The following C14orf39 variants were observed in gnomAD, a reference collection of about 807,000 sequenced individuals.
C14orf39 encodes the protein protein SIX6OS1.
A neutral mutation model predicts 85.6 loss-of-function variants in C14orf39; 66 were observed. That is an observed-to-expected ratio of 0.77 (90% CI 0.63 to 0.95). The LOEUF (loss-of-function observed/expected upper bound fraction) is 0.95, where lower values mean the gene tolerates loss of function less well. Ranked by LOEUF, C14orf39 falls within the 40% of genes least tolerant of loss-of-function variation. The probability of loss-of-function intolerance (pLI) is 0.00; values close to 1 mark genes in which losing one functional copy is unlikely to be tolerated. For missense variants in C14orf39, 735 were observed against 663.9 expected (o/e 1.11, Z -1.18); for synonymous variants, 242 against 214.0 (o/e 1.13, Z -1.14).
chr14:60,450,078 T>C (rs1890963079), intron 16 of C14orf39, among the ~76,000 whole-genome samples: 1 of 152,170 alleles, frequency 6.6e-6, no homozygotes, highest in Non-Finnish European at 1.5e-5. Flanking sequence ...CTGGCTTCAG[T>C]TGTGACCCAG....
intron 2 of C14orf39, among the ~76,000 whole-genome samples, chr14:60,498,284 T>C (rs1437079088): frequency 1.3e-5 from 2 of 152,254 alleles, no homozygotes; most frequent in East Asian, 1.9e-4. Context: ...CCCTTACTAA[T>C]GTTGAATGAG....
chr14:60,488,048 T>C (rs1208338736), upstream of C14orf39, among the ~76,000 whole-genome samples: 1 of 152,234 alleles, frequency 6.6e-6, no homozygotes, highest in Non-Finnish European at 1.5e-5. Context: ...TATTAACTAC[T>C]TCTTTTTAGG....
chr14:60,441,676 A>G (rs941002374), intron 17 of C14orf39, among the ~76,000 whole-genome samples: 2 of 152,194 alleles, frequency 1.3e-5, no homozygotes, highest in Non-Finnish European at 2.9e-5. Context: ...ATTTATATTA[A>G]TATGTTGAAT....
intron 16 of C14orf39, among the ~76,000 whole-genome samples, chr14:60,453,819 TATA>T (rs1159259083): frequency 1.3e-5 from 2 of 151,918 alleles, no homozygotes; most frequent in African/African-American, 4.8e-5. Context: ...TTGCCAGGAT[TATA>T]ATTAGATTTG....
In C14orf39 at chr14:60,451,904, T is replaced by A. The variant is rs1891052989; in HGVS notation, c.1503+3097A>T. On this transcript the variant is annotated intron_variant, in intron 16 of 17. Coordinates refer to ENST00000321731, the MANE Select transcript of C14orf39 (RefSeq NM_174978.3). ...TGGGTTAAAAGATAGAATCTCAGGC[T>A]GGGCATGGTGGCTCACGCCTGTAAT... Among the ~76,000 whole-genome samples, 3 of 151,956 alleles carry A rather than the reference T, an allele frequency of 2.0e-5. No individual in the cohort carries two copies. In the South Asian group the frequency reaches 6.2e-4, roughly 32 times the overall value.
intron 16 of C14orf39, among the ~76,000 whole-genome samples, chr14:60,446,023 A>C (rs978189263): frequency 3.3e-5 from 5 of 152,230 alleles, no homozygotes; most frequent in African/African-American, 1.2e-4. Flanking sequence ...ATGAGAACAA[A>C]GACAAAACGT....
At chr14:60,476,686 T>C (rs1356825149) in intron 5 of C14orf39, among the ~76,000 whole-genome samples, 1 of 152,194 alleles carries the variant, frequency 6.6e-6, no homozygotes, top group Non-Finnish European at 1.5e-5. Context: ...TTTTTAAGAA[T>C]TAATGTTTTA....
chr14:60,464,760 T>C (rs1238510686), intron 11 of C14orf39, among the ~76,000 whole-genome samples: 1 of 152,076 alleles, frequency 6.6e-6, no homozygotes, highest in Non-Finnish European at 1.5e-5. Flanking sequence ...TAATAGCATA[T>C]ACCTGTATTT....
chr14:60,442,208 A>G, intron 16 of C14orf39, 77 bp from the exon 17 acceptor site: 1 of 900,480 alleles, frequency 1.1e-6, no homozygotes, highest in Middle Eastern at 3.2e-4. Context: ...TTGAATCTAA[A>G]GCTTAGTTCT....
chr14:60,506,070 A>G (rs934870439), intron 1 of C14orf39, among the ~76,000 whole-genome samples: 2 of 152,064 alleles, frequency 1.3e-5, no homozygotes, highest in African/African-American at 4.8e-5. Context: ...TTTTCTCCAT[A>G]TTTGCCCCAC....
intron 8 of C14orf39, among the ~76,000 whole-genome samples, chr14:60,469,124 A>G (rs1891941972): frequency 6.6e-6 from 1 of 151,132 alleles, no homozygotes; most frequent in South Asian, 2.1e-4. Flanking sequence ...TTATAGTCAT[A>G]TATTTTTCAA....
chr14:60,497,955 G>A (rs899803191), intron 2 of C14orf39, among the ~76,000 whole-genome samples: 2 of 152,106 alleles, frequency 1.3e-5, no homozygotes, highest in African/African-American at 4.8e-5. Flanking sequence ...ACTTATGGTA[G>A]TCTAAGTTGG....
intron 4 of C14orf39, 135 bp from the exon 5 acceptor site, chr14:60,478,524 A>G (rs2140146570): frequency 2.1e-6 from 1 of 476,976 alleles, no homozygotes; most frequent in African/African-American, 2.0e-5. Context: ...TTACATCAAG[A>G]AAAGTATTTC....
intron 11 of C14orf39, among the ~76,000 whole-genome samples, chr14:60,465,242 A>T (rs1041003656): frequency 2.6e-5 from 4 of 152,110 alleles, no homozygotes; most frequent in Non-Finnish European, 2.9e-5. Flanking sequence ...CTTGAGTTTC[A>T]CTAATTACTT....
chr14:60,471,950 T>C lies in C14orf39; in HGVS notation c.324-211A>G, dbSNP rs185058016. On this transcript the variant is annotated intron_variant, in intron 5 of 17. Coordinates refer to ENST00000321731, the MANE Select transcript of C14orf39 (RefSeq NM_174978.3). Reference sequence around the variant, plus strand: ...CTTCATTACCTGAGTGATTCACTTCTTAATTCTATTCATTTTAACTCCTAC... The same window carrying C: ...CTTCATTACCTGAGTGATTCACTTCCTAATTCTATTCATTTTAACTCCTAC... Among the ~76,000 whole-genome samples, 61 of 152,146 alleles carry C rather than the reference T, an allele frequency of 4.0e-4. 1 individual carries two copies. The highest frequency in any genetic ancestry group is 1.3e-3 in the African/African-American group (55 of 41,550).
exon 2 of C14orf39, chr14:60,499,332 C>T (rs1162131517): frequency 6.6e-6 from 1 of 151,682 alleles, no homozygotes; most frequent in East Asian, 1.9e-4. Context: ...AGTTGTGAAA[C>T]AATAGGAATA....
intron 1 of C14orf39, among the ~76,000 whole-genome samples, chr14:60,514,034 T>A (rs1893329078): frequency 6.6e-6 from 1 of 152,256 alleles, no homozygotes; most frequent in Non-Finnish European, 1.5e-5. Flanking sequence ...AAGATTTTTT[T>A]AAATGTTTAT....
chr14:60,491,021 T>C (rs1437324838), upstream of C14orf39, among the ~76,000 whole-genome samples: 1 of 152,138 alleles, frequency 6.6e-6, no homozygotes, highest in South Asian at 2.1e-4. This position sits in a 1 kb window ranked among gnomAD's most constrained non-coding sequence, Gnocchi z 4.5. Flanking sequence ...AACATAAGAA[T>C]TGGATTTAAA....
chr14:60,467,109 G>A, intron 9 of C14orf39, 65 bp from the exon 10 acceptor site: 1 of 835,346 alleles, frequency 1.2e-6, no homozygotes, highest in East Asian at 3.6e-5. Flanking sequence ...TTAAAGCTAG[G>A]AGGCATATTT....
Sources: gnomAD v4.1 joint callset for allele counts (sites outside exome capture counted in the v4.1 genomes callset) on GRCh38, gnomAD v4.1.1 for gene constraint, Gnocchi (gnomAD v3.1) non-coding constraint, MANE v1.5 for transcripts, NCBI Gene and HGNC (gene_info 2026-07-23, HGNC 2026-07-21) for gene names.